Variants in LRRC4C observed in about 807,000 individuals in gnomAD.
LRRC4C encodes leucine-rich repeat-containing protein 4C.
A neutral mutation model predicts 33.6 loss-of-function variants in LRRC4C; 5 were observed. The observed-to-expected ratio is 0.15, with a 90% confidence interval of 0.08 to 0.31. The LOEUF is 0.31. Among genes scored for constraint, LRRC4C ranks in the 10% least tolerant of loss-of-function variants. LRRC4C has a pLI of 1.00. For synonymous variants in LRRC4C, 329 were observed against 302.0 expected, an observed-to-expected ratio of 1.09 and a Z score of -0.93; for missense variants, 560 against 796.7, an observed-to-expected ratio of 0.70 and a Z score of 3.58.
intron 3 of LRRC4C, among the ~76,000 whole-genome samples, chr11:40,452,170 A>G (rs1951916582): frequency 6.6e-6 from 1 of 152,188 alleles, no homozygotes; most frequent in South Asian, 2.1e-4. Flanking sequence ...AAAAGACAAA[A>G]TTGACAAATG....
intron 1 of LRRC4C, among the ~76,000 whole-genome samples, chr11:41,453,140 G>C (rs1188637058): frequency 6.6e-6 from 1 of 152,058 alleles, no homozygotes; most frequent in Non-Finnish European, 1.5e-5. Context: ...TTCTGCAAAT[G>C]CTCCTTAATG....
intron 1 of LRRC4C, among the ~76,000 whole-genome samples, chr11:41,179,722 T>A (rs1945362778): frequency 6.6e-6 from 1 of 152,198 alleles, no homozygotes; most frequent in African/African-American, 2.4e-5. Context: ...CAACACAGAA[T>A]ATAAACTTCT....
chr11:41,118,511 T>C (rs193063477), intron 1 of LRRC4C, among the ~76,000 whole-genome samples: 1 of 152,320 alleles, frequency 6.6e-6, no homozygotes, highest in African/African-American at 2.4e-5. Flanking sequence ...TTGGTCACTG[T>C]CCATTCCTTT....
At chr11:41,267,795 A>T (rs1055874114) in intron 1 of LRRC4C, among the ~76,000 whole-genome samples, 1 of 152,124 alleles carries the variant, frequency 6.6e-6, no homozygotes, top group Non-Finnish European at 1.5e-5. Context: ...AAGGATAATA[A>T]TAGTACCCAC....
At chr11:41,288,921 ATT>A (rs10557057) in intron 1 of LRRC4C, among the ~76,000 whole-genome samples, 26,857 of 151,060 alleles carry the variant, frequency 0.18, 2,844 homozygotes, top group East Asian at 0.43. Flanking sequence ...ATGAACCTTT[ATT>A]TTTTTTTTTT....
intron 1 of LRRC4C, among the ~76,000 whole-genome samples, chr11:41,276,852 G>C (rs28613642): frequency 0.13 from 19,069 of 152,142 alleles, 1,339 homozygotes; most frequent in Middle Eastern, 0.24. Context: ...CTGGAAGCTA[G>C]AAAAGGCAAG....
At chr11:40,331,533 A>C (rs1357950876) in intron 3 of LRRC4C, among the ~76,000 whole-genome samples, 2 of 152,248 alleles carry the variant, frequency 1.3e-5, no homozygotes, top group Non-Finnish European at 2.9e-5. Context: ...AGGATATTAC[A>C]GTAGGTAAAA....
At chr11:40,125,329 G>A (rs767182837) in intron 6 of LRRC4C, among the ~76,000 whole-genome samples, 2 of 152,150 alleles carry the variant, frequency 1.3e-5, no homozygotes, top group Non-Finnish European at 2.9e-5. Context: ...GTGGCCAAGA[G>A]GGGAGGCAGC....
chr11:40,209,448 GAA>G (rs1487079728), intron 5 of LRRC4C, among the ~76,000 whole-genome samples: 2 of 152,156 alleles, frequency 1.3e-5, no homozygotes, highest in African/African-American at 4.8e-5. Context: ...ATCTTGGAGA[GAA>G]AATAATATAC....
intron 1 of LRRC4C, among the ~76,000 whole-genome samples, chr11:41,244,091 A>G (rs1158643403): frequency 3.9e-5 from 6 of 152,112 alleles, no homozygotes; most frequent in African/African-American, 1.4e-4. Flanking sequence ...GATAATTTCC[A>G]CTATGAAGGC....
intron 1 of LRRC4C, among the ~76,000 whole-genome samples, chr11:41,176,001 C>G (rs546845527): frequency 6.6e-6 from 1 of 152,220 alleles, no homozygotes; most frequent in African/African-American, 2.4e-5. Flanking sequence ...AGTACTCGTC[C>G]TACGCATTCC....
intron 3 of LRRC4C, among the ~76,000 whole-genome samples, chr11:40,618,337 A>G (rs1417610446): frequency 6.6e-6 from 1 of 151,588 alleles, no homozygotes; most frequent in Non-Finnish European, 1.5e-5. Flanking sequence ...AATGACCAAG[A>G]TTGCTGGCAA....
At chr11:40,381,961 T>TG (rs1177730283) in intron 3 of LRRC4C, among the ~76,000 whole-genome samples, 11 of 138,000 alleles carry the variant, frequency 8.0e-5, no homozygotes, top group African/African-American at 2.7e-4. Flanking sequence ...AGCGTTTTTT[T>TG]TTTTTTTTTT....
intron 2 of LRRC4C, among the ~76,000 whole-genome samples, chr11:40,655,148 A>C (rs1943036182): frequency 1.3e-5 from 2 of 152,174 alleles, no homozygotes; most frequent in Admixed American, 1.3e-4. Context: ...AACTTCATTT[A>C]CCTAGTTATT....
Position 41,293,392 on chromosome 11 carries a change from A to C in LRRC4C, c.-496+166039T>G, listed in dbSNP as rs564381348. ...AAATATACATAGATATACATACGGT[A>C]AGAATTTAGAAAAACGTATATAGAA... On this transcript the variant is annotated intron_variant, in intron 1 of 6. Coordinates refer to ENST00000528697, the MANE Select transcript of LRRC4C (RefSeq NM_001258419.2). 6.6e-5 allele frequency among the ~76,000 whole-genome samples: 10 copies of C among 152,188 alleles called. No individual in the cohort carries two copies. The East Asian group carries it at 1.7e-3, about 26-fold the overall frequency.
intron 2 of LRRC4C, among the ~76,000 whole-genome samples, chr11:40,664,550 A>T (rs1481923490): frequency 6.6e-6 from 1 of 151,924 alleles, no homozygotes; most frequent in Non-Finnish European, 1.5e-5. Flanking sequence ...GTCTCAAAAA[A>T]AAATGTGAGA....
At chr11:40,354,842 C>G (rs1278046086) in intron 3 of LRRC4C, among the ~76,000 whole-genome samples, 1 of 152,106 alleles carries the variant, frequency 6.6e-6, no homozygotes, top group Non-Finnish European at 1.5e-5. Context: ...TGTGGCCAAC[C>G]TGGTACCCAA....
intron 3 of LRRC4C, among the ~76,000 whole-genome samples, chr11:40,337,865 G>C (rs995878495): frequency 6.6e-6 from 1 of 151,964 alleles, no homozygotes; most frequent in East Asian, 1.9e-4. Context: ...CCCAGTGTGC[G>C]TTCTTCCCTT....
intron 1 of LRRC4C, among the ~76,000 whole-genome samples, chr11:40,936,341 T>G (rs1043925874): frequency 2.1e-5 from 3 of 141,800 alleles, no homozygotes; most frequent in Non-Finnish European, 4.6e-5. Context: ...CACTTGTTTT[T>G]TTTTTTTTTT....
Sources: gnomAD v4.1 joint callset for allele counts (sites outside exome capture counted in the v4.1 genomes callset) on GRCh38, gnomAD v4.1.1 for gene constraint, MANE v1.5 for transcripts, NCBI Gene and HGNC (gene_info 2026-07-23, HGNC 2026-07-21) for gene names.